Variants in POU2F1 observed in about 807,000 individuals in gnomAD.
POU2F1 encodes the protein POU class 2 homeobox 1.
POU2F1 carries 16 observed loss-of-function variants against 84.9 expected under a neutral mutation model. The observed-to-expected ratio is 0.19, with a 90% confidence interval of 0.13 to 0.29. POU2F1 has a LOEUF of 0.29. POU2F1 is among the 10% of genes least tolerant of loss of function. The pLI is 1.00. For missense variants in POU2F1, 738 were observed against 942.6 expected, an observed-to-expected ratio of 0.78 and a Z score of 2.84; for synonymous variants, 368 against 368.3, an observed-to-expected ratio of 1.00 and a Z score of 0.01.
At chr1:167,295,248 A>G (rs1254994914) in intron 1 of POU2F1, among the ~76,000 whole-genome samples, 1 of 152,198 alleles carries the variant, frequency 6.6e-6, no homozygotes, top group South Asian at 2.1e-4. Flanking sequence ...TTGCAGCCCA[A>G]TTCACAGTTG....
chr1:167,331,832 T>G (rs1032165070), intron 1 of POU2F1, among the ~76,000 whole-genome samples: 1 of 152,222 alleles, frequency 6.6e-6, no homozygotes, highest in East Asian at 1.9e-4. Context: ...AGTTTTGAAA[T>G]TATTAGCTAT....
chr1:167,278,907 T>C (rs1445442938), intron 1 of POU2F1, among the ~76,000 whole-genome samples: 1 of 152,200 alleles, frequency 6.6e-6, no homozygotes, highest in South Asian at 2.1e-4. Context: ...TGAGTATGAT[T>C]CTTTAAGTAA....
At chr1:167,242,500 C>G (rs962424120) in intron 1 of POU2F1, among the ~76,000 whole-genome samples, 5 of 152,150 alleles carry the variant, frequency 3.3e-5, no homozygotes, top group African/African-American at 1.2e-4. Context: ...ACCATGGTGA[C>G]GCATTGAAGC....
chr1:167,378,880 G>A (rs750427987), intron 7 of POU2F1, among the ~76,000 whole-genome samples: 1 of 151,882 alleles, frequency 6.6e-6, no homozygotes, highest in Admixed American at 6.5e-5. Context: ...AGCCTCCCAA[G>A]GAGCTGGGAT....
chr1:167,232,557 A>G (rs1335919897), intron 1 of POU2F1, among the ~76,000 whole-genome samples: 1 of 152,232 alleles, frequency 6.6e-6, no homozygotes, highest in Non-Finnish European at 1.5e-5. Context: ...ATAAAGTTAC[A>G]GTAGGCCCAG....
intron 1 of POU2F1, among the ~76,000 whole-genome samples, chr1:167,284,187 G>A (rs1030806268): frequency 6.6e-6 from 1 of 152,116 alleles, no homozygotes; most frequent in African/African-American, 2.4e-5. Flanking sequence ...TAAAGCTAAT[G>A]TCCAAATGGT....
At chr1:167,226,252 T>A (rs1648624983) in intron 1 of POU2F1, among the ~76,000 whole-genome samples, 1 of 152,208 alleles carries the variant, frequency 6.6e-6, no homozygotes, top group African/African-American at 2.4e-5. Context: ...CTGCATGAAT[T>A]TTTTCCTTTT....
At chr1:167,403,229 C>T (rs1231770102) in intron 13 of POU2F1, among the ~76,000 whole-genome samples, 1 of 152,020 alleles carries the variant, frequency 6.6e-6, no homozygotes, top group Non-Finnish European at 1.5e-5. Flanking sequence ...TCACAAGTAC[C>T]ATTTTTATTT....
chr1:167,305,530 A>G (rs947034314), intron 1 of POU2F1, among the ~76,000 whole-genome samples: 4 of 152,174 alleles, frequency 2.6e-5, no homozygotes, highest in Admixed American at 2.0e-4. Context: ...CTCTTTTAAT[A>G]GCTCATATCA....
intron 1 of POU2F1, among the ~76,000 whole-genome samples, chr1:167,297,745 C>T (rs746332546): frequency 4.6e-5 from 7 of 152,150 alleles, no homozygotes; most frequent in Non-Finnish European, 1.0e-4. Flanking sequence ...AATGTCACAA[C>T]CAACAGAAGC....
chr1:167,404,429 A>G (rs1649418748), intron 13 of POU2F1, among the ~76,000 whole-genome samples: 1 of 152,124 alleles, frequency 6.6e-6, no homozygotes, highest in African/African-American at 2.4e-5. Flanking sequence ...GAACTGCCAA[A>G]CTTTATTTCA....
intron 1 of POU2F1, among the ~76,000 whole-genome samples, chr1:167,313,412 C>A (rs1041786305): frequency 6.6e-6 from 1 of 151,954 alleles, no homozygotes; most frequent in African/African-American, 2.4e-5. Context: ...GTCAGTTACC[C>A]CAATTTCAAG....
intron 1 of POU2F1, among the ~76,000 whole-genome samples, chr1:167,305,243 A>G (rs1446410107): frequency 6.7e-6 from 1 of 149,874 alleles, no homozygotes; most frequent in Non-Finnish European, 1.5e-5. Flanking sequence ...GCTGGAGTGC[A>G]GTGGCGAGAT....
At chr1:167,387,942 G>C (rs931542149) in intron 8 of POU2F1, among the ~76,000 whole-genome samples, 8 of 152,178 alleles carry the variant, frequency 5.3e-5, no homozygotes, top group Admixed American at 5.2e-4. Context: ...TTTTATCAAT[G>C]TTAGAAATAA....
intron 2 of POU2F1, among the ~76,000 whole-genome samples, chr1:167,341,943 C>G (rs1657887736): frequency 6.6e-6 from 1 of 152,122 alleles, no homozygotes; most frequent in Non-Finnish European, 1.5e-5. Context: ...CAGCTGATTT[C>G]CTCTTTGACC....
At chr1:167,283,073 T>A (rs757079348) in intron 1 of POU2F1, among the ~76,000 whole-genome samples, 6 of 152,240 alleles carry the variant, frequency 3.9e-5, no homozygotes, top group Non-Finnish European at 7.3e-5. Flanking sequence ...TATACCTCAT[T>A]CATAGGACAG....
At chr1:167,401,664 G>C (rs1014332996) in intron 13 of POU2F1, 108 bp downstream of exon 13, 3 of 571,680 alleles carry the variant, frequency 5.2e-6, no homozygotes, top group Non-Finnish European at 8.2e-6. Flanking sequence ...CTAAAGATAG[G>C]TGTTGCTCAT....
intron 1 of POU2F1, among the ~76,000 whole-genome samples, chr1:167,255,135 G>A (rs574475126): frequency 6.6e-6 from 1 of 152,252 alleles, no homozygotes; most frequent in South Asian, 2.1e-4. Flanking sequence ...TTGCTTTTGA[G>A]TACCATAGGA....
intron 1 of POU2F1, among the ~76,000 whole-genome samples, chr1:167,283,663 T>G (rs1289085892): frequency 6.6e-6 from 1 of 152,166 alleles, no homozygotes; most frequent in African/African-American, 2.4e-5. Flanking sequence ...TGTTTTAGGG[T>G]CCTGTGTCTT....
Sources: allele counts gnomAD v4.1 joint callset (sites outside exome capture counted in the v4.1 genomes callset), GRCh38; gene constraint gnomAD v4.1.1; transcripts MANE v1.5; gene names NCBI Gene and HGNC (gene_info 2026-07-23, HGNC 2026-07-21).